PPP2R5C: variants seen among roughly 807,000 people sequenced by gnomAD.
PPP2R5C encodes protein phosphatase 2 regulatory subunit B'gamma.
PPP2R5C carries 7 observed loss-of-function variants against 68.9 expected under a neutral mutation model. The observed-to-expected ratio is 0.10, with a 90% CI of 0.06 to 0.19. PPP2R5C has a LOEUF of 0.19. PPP2R5C is among the 10% of genes least tolerant of loss of function. PPP2R5C has a pLI of 1.00. For missense variants in PPP2R5C, 348 were observed against 641.3 expected, an observed-to-expected ratio of 0.54 and a Z score of 4.94; for synonymous variants, 210 against 222.2, an observed-to-expected ratio of 0.95 and a Z score of 0.49.
chr14:101,886,803 C>T (rs2044553695), intron 5 of PPP2R5C, among the ~76,000 whole-genome samples: 1 of 152,130 alleles, frequency 6.6e-6, no homozygotes, highest in Non-Finnish European at 1.5e-5. Context: ...CTCCATAGCT[C>T]ACTGCAGCCT....
chr14:101,781,599 C>A lies in PPP2R5C; in HGVS notation c.94-4419C>A, dbSNP rs1266435149. On this transcript the variant is annotated intron_variant, in intron 2 of 14. Transcript: ENST00000328724. This position sits in a 1 kb window ranked among gnomAD's most constrained non-coding sequence, Gnocchi z 6.4. ...AAGAGTGTTGTCTGTCCCGGCCTTC[C>A]AAGGAGACCCTTAGCTCCCGCCGGC... is the stretch of plus-strand genomic sequence containing the variant. Among the ~76,000 whole-genome samples, 2 of 152,066 alleles carry A rather than the reference C, an allele frequency of 1.3e-5. No homozygotes were observed. Among genetic ancestry groups the A allele is most frequent in the Non-Finnish European group, 2.9e-5 (2 of 67,978 alleles).
At chr14:101,886,236 G>T (rs192803030) in intron 5 of PPP2R5C, among the ~76,000 whole-genome samples, 1 of 151,062 alleles carries the variant, frequency 6.6e-6, no homozygotes, top group Non-Finnish European at 1.5e-5. Context: ...AGCCGAGATC[G>T]TGCCACTGCA....
At chr14:101,886,435 A>C (rs1363480485) in intron 5 of PPP2R5C, among the ~76,000 whole-genome samples, 1 of 151,904 alleles carries the variant, frequency 6.6e-6, no homozygotes, top group Non-Finnish European at 1.5e-5. Context: ...GTCTGTGTGC[A>C]TGCTTTTGAT....
chr14:101,848,231 C>T (rs1314305793), intron 1 of PPP2R5C, among the ~76,000 whole-genome samples: 2 of 151,956 alleles, frequency 1.3e-5, no homozygotes, highest in African/African-American at 2.4e-5. Context: ...TGTAGAGGAA[C>T]GTTAGAAAGT....
chr14:101,851,819 TTCAA>T (rs1195331438), intron 1 of PPP2R5C, among the ~76,000 whole-genome samples: 4 of 152,206 alleles, frequency 2.6e-5, no homozygotes, highest in Non-Finnish European at 5.9e-5. Context: ...GCTTCTTTTT[TTCAA>T]TCAGTTTCCT....
Position 101,781,260 on chromosome 14 carries a change from C to T in PPP2R5C, c.94-4758C>T, listed in dbSNP as rs2037671251. 6.6e-6 allele frequency among the ~76,000 whole-genome samples: 1 copy of T among 152,206 alleles called. No individual in the cohort carries two copies. The highest frequency in any genetic ancestry group is 6.5e-5 in the Admixed American group (1 of 15,286). On this transcript the variant is annotated intron_variant, in intron 2 of 14. Transcript: ENST00000328724. This position sits in a 1 kb window ranked among gnomAD's most constrained non-coding sequence, Gnocchi z 6.4. ...GCCCAGGAGGAGGGCTTGTTTACAG[C>T]TGCCGTATTTCCCGGGACCCTGGCT... is the stretch of plus-strand genomic sequence containing the variant.
intron 2 of PPP2R5C, among the ~76,000 whole-genome samples, chr14:101,777,121 C>T (rs1280613000): frequency 2.6e-5 from 4 of 151,844 alleles, no homozygotes; most frequent in East Asian, 3.9e-4. Flanking sequence ...CCTCGTGATC[C>T]GCCCGCCTCG....
At position 101,915,717 on chromosome 14, in the gene PPP2R5C, A is replaced by C. The variant is rs942901540; in HGVS notation, c.1327-2114A>C. On this transcript the variant is annotated intron_variant, in intron 12 of 13. Coordinates refer to ENST00000334743, the Ensembl canonical transcript of PPP2R5C. This position sits in a 1 kb window ranked among gnomAD's most constrained non-coding sequence, Gnocchi z 4.2. The stretch of plus-strand genomic sequence containing the variant: ...TCCTGAATTGTGGAAATTTCTAGGG[A>C]TACAAAGATGAGAACAAGACATAGC... Among the ~76,000 whole-genome samples, 2 of 152,228 alleles carry C rather than the reference A, an allele frequency of 1.3e-5. No individual in the cohort carries two copies. Among genetic ancestry groups the C allele is most frequent in the Non-Finnish European group, 2.9e-5 (2 of 68,044 alleles).
At chr14:101,851,182 A>C (rs527626011) in intron 1 of PPP2R5C, among the ~76,000 whole-genome samples, 70 of 152,324 alleles carry the variant, frequency 4.6e-4, no homozygotes, top group African/African-American at 1.6e-3. Flanking sequence ...CGTCATCCCA[A>C]CATTTTTGGG....
At position 101,825,518 on chromosome 14, in the gene PPP2R5C, C is replaced by T. The variant is rs904912959; in HGVS notation, c.94+15482C>T. On this transcript the variant is annotated intron_variant, in intron 1 of 13. Transcript: ENST00000334743. This position sits in a 1 kb window ranked among gnomAD's most constrained non-coding sequence, Gnocchi z 4.0. ...GCCCAGCCTATTTGGGGTGCACACG[C>T]TCATCGATGAGGGCAACAGAACACA... Among the ~76,000 whole-genome samples the T allele has an allele frequency of 6.6e-6, 1 of 152,146 alleles. No individual in the cohort carries two copies. Among genetic ancestry groups the T allele is most frequent in the Non-Finnish European group, 1.5e-5 (1 of 68,040 alleles).
chr14:101,813,447 C>T (rs1419474306), intron 1 of PPP2R5C, among the ~76,000 whole-genome samples: 2 of 152,206 alleles, frequency 1.3e-5, no homozygotes, highest in African/African-American at 2.4e-5. Flanking sequence ...CTTTGACTTT[C>T]GGAATTGCCT....
chr14:101,887,776 C>T (rs1373181043), intron 5 of PPP2R5C, among the ~76,000 whole-genome samples: 1 of 152,178 alleles, frequency 6.6e-6, no homozygotes, highest in Non-Finnish European at 1.5e-5. Context: ...ATAGAGTCCA[C>T]CTCTTCCCAT....
In PPP2R5C at chr14:101,882,313, A is replaced by G; in HGVS notation, c.405+42A>G. On this transcript the variant is annotated intron_variant, in intron 3 of 13. Coordinates refer to ENST00000334743, the Ensembl canonical transcript of PPP2R5C. The surrounding 1 kb of genome is among the most constrained non-coding windows in gnomAD (Gnocchi z 4.9). ...GATAGACTCGGAGGGCACTGGTGAC[A>G]CATGGGAATGGCCTGGGATCCACAG... 3 of 1,485,410 alleles carry G rather than the reference A, an allele frequency of 2.0e-6. No homozygotes were observed. The highest frequency in any genetic ancestry group is 2.8e-6 in the Non-Finnish European group (3 of 1,080,100). 92.0% of individuals were successfully genotyped at this position (1,485,410 alleles called of 1,614,324 possible). A position where few individuals can be genotyped will look rare whatever the true frequency, so the allele number is the denominator to read the frequency against.
intron 1 of PPP2R5C, among the ~76,000 whole-genome samples, chr14:101,816,588 G>A (rs1566863638): frequency 6.6e-6 from 1 of 152,050 alleles, no homozygotes; most frequent in Admixed American, 6.6e-5. Context: ...TGTTGGATGT[G>A]TGGAATTACT....
intron 1 of PPP2R5C, among the ~76,000 whole-genome samples, chr14:101,817,108 C>T (rs1021645276): frequency 7.3e-5 from 11 of 151,130 alleles, no homozygotes; most frequent in Non-Finnish European, 1.0e-4. Context: ...CAGGCACCCA[C>T]CGCCACAACC....
intron 12 of PPP2R5C, chr14:101,914,372 C>T (rs2046548382): frequency 1.1e-5 from 3 of 264,750 alleles, no homozygotes; most frequent in South Asian, 1.1e-4. Flanking sequence ...GAAACTCTGG[C>T]CTCGTACTTG....
At chr14:101,886,132 T>G (rs1731708030) in intron 5 of PPP2R5C, among the ~76,000 whole-genome samples, 1 of 151,986 alleles carries the variant, frequency 6.6e-6, no homozygotes, top group Non-Finnish European at 1.5e-5. Context: ...ATACAAAAAA[T>G]TAGCCGGGCG....
In PPP2R5C at chr14:101,788,483, C is replaced by T. The variant is rs57226931; in HGVS notation, c.259+2300C>T. Among the ~76,000 whole-genome samples, 9 of 152,306 alleles carry T rather than the reference C, an allele frequency of 5.9e-5. No individual in the cohort carries two copies. In the East Asian group the frequency reaches 1.4e-3, roughly 23 times the overall value. On this transcript the variant is annotated intron_variant, in intron 3 of 14. Coordinates refer to the PPP2R5C transcript ENST00000328724. ...ACTTCCTTTACCTCTTCTGAGGAGT[C>T]GCTGCACAAGCCTCTTTCTACATCT...
chr14:101,763,386 A>AT (rs1395681652), intron 2 of PPP2R5C, among the ~76,000 whole-genome samples: 3 of 144,888 alleles, frequency 2.1e-5, no homozygotes, highest in African/African-American at 7.9e-5. Flanking sequence ...ACACCCAACA[A>AT]ATTTTTTTTT....
Sources: gnomAD v4.1 joint callset for allele counts (sites outside exome capture counted in the v4.1 genomes callset) on GRCh38, gnomAD v4.1.1 for gene constraint, Gnocchi (gnomAD v3.1) non-coding constraint, MANE v1.5 for transcripts, NCBI Gene and HGNC (gene_info 2026-07-23, HGNC 2026-07-21) for gene names.